Variants in EDIL3 observed in about 807,000 individuals in gnomAD.
EDIL3 encodes EGF like and discoidin domains 3.
In EDIL3, 37 loss-of-function variants were observed where a neutral mutation model predicts 67.4. The observed-to-expected ratio is 0.55, with a 90% confidence interval of 0.42 to 0.72. EDIL3 has a LOEUF of 0.72. EDIL3 is among the 30% of genes least tolerant of loss of function. EDIL3 has a pLI of 0.00. For synonymous variants in EDIL3, 195 were observed against 196.3 expected, an observed-to-expected ratio of 0.99 and a Z score of 0.05; for missense variants, 527 against 586.3, an observed-to-expected ratio of 0.90 and a Z score of 1.04.
At chr5:84,284,414 T>C (rs775108758) in intron 1 of EDIL3, among the ~76,000 whole-genome samples, 25 of 152,072 alleles carry the variant, frequency 1.6e-4, no homozygotes, top group Non-Finnish European at 3.2e-4. Flanking sequence ...GCACTTGTCC[T>C]ATTTACTGGT....
At chr5:84,353,682 T>G in intron 1 of EDIL3, among the ~76,000 whole-genome samples, 1 of 152,206 alleles carries the variant, frequency 6.6e-6, no homozygotes, top group East Asian at 1.9e-4. Context: ...TACAATAACA[T>G]ATTTTCCACT....
At position 84,064,817 on chromosome 5, in the gene EDIL3, T is replaced by G; in HGVS notation, c.835A>C (p.Thr279Pro). Residue 279 changes from threonine (T) to proline (P), a missense_variant, in exon 8 of 11, where the codon ACT becomes CCT. Around this residue, in one of 2 missense-constraint regions of EDIL3, gnomAD observed 494 missense variants for 522.5 expected, o/e 0.95. Transcript: ENST00000296591. ...GGTGTGAAAGAGTTAGCATATGGAGTGTTGTTATCAATGTTTCCACGAAAC... is the reference window on the plus strand; with the variant it reads ...GGTGTGAAAGAGTTAGCATATGGAGGGTTGTTATCAATGTTTCCACGAAAC... ...MVFRGNIDNN[T>P]PYANSFTPPI... 2 of 1,611,908 alleles carry G rather than the reference T, an allele frequency of 1.2e-6. No homozygotes were observed. Among genetic ancestry groups the G allele is most frequent in the Non-Finnish European group, 1.7e-6 (2 of 1,179,028 alleles).
At chr5:84,331,869 A>G (rs1339496944) in intron 1 of EDIL3, among the ~76,000 whole-genome samples, 2 of 152,232 alleles carry the variant, frequency 1.3e-5, no homozygotes, top group Admixed American at 6.5e-5. Flanking sequence ...GCTTCATGAA[A>G]AAAGAAGTAA....
chr5:84,291,059 A>G (rs1338699540), intron 1 of EDIL3, among the ~76,000 whole-genome samples: 1 of 152,172 alleles, frequency 6.6e-6, no homozygotes, highest in Non-Finnish European at 1.5e-5. Context: ...TAAAATTTCA[A>G]TATGTAGTAC....
At chr5:84,154,706 T>TTC (rs1416164993) in intron 4 of EDIL3, among the ~76,000 whole-genome samples, 1 of 148,200 alleles carries the variant, frequency 6.7e-6, no homozygotes, top group Non-Finnish European at 1.5e-5. Context: ...TTTTTTTTTT[T>TTC]TTTTTTTTTT....
At chr5:84,229,042 C>A (rs1247660100) in intron 3 of EDIL3, among the ~76,000 whole-genome samples, 1 of 152,134 alleles carries the variant, frequency 6.6e-6, no homozygotes, top group African/African-American at 2.4e-5. Flanking sequence ...AACTGCCTAC[C>A]TCTCAGGACT....
At chr5:84,243,474 G>A (rs1348057854) in intron 2 of EDIL3, among the ~76,000 whole-genome samples, 1 of 152,202 alleles carries the variant, frequency 6.6e-6, no homozygotes, top group African/African-American at 2.4e-5. Flanking sequence ...TCTTGAAAAT[G>A]TTTGTAGCTC....
chr5:84,349,204 G>C (rs1425133056), intron 1 of EDIL3, among the ~76,000 whole-genome samples: 1 of 152,124 alleles, frequency 6.6e-6, no homozygotes, highest in East Asian at 1.9e-4. Context: ...GCTTCTTGAG[G>C]CAACAGTGCA....
At chr5:84,188,509 T>C (rs532363097) in intron 3 of EDIL3, among the ~76,000 whole-genome samples, 1 of 152,138 alleles carries the variant, frequency 6.6e-6, no homozygotes, top group African/African-American at 2.4e-5. Context: ...TCTTCATCTT[T>C]AGATCCTTAA....
chr5:84,300,004 C>T, intron 1 of EDIL3, among the ~76,000 whole-genome samples: 1 of 152,206 alleles, frequency 6.6e-6, no homozygotes, highest in East Asian at 1.9e-4. Context: ...TATTAGTTTT[C>T]TAATGCTGTC....
At chr5:84,201,048 TA>T (rs1468019879) in intron 3 of EDIL3, among the ~76,000 whole-genome samples, 1 of 152,106 alleles carries the variant, frequency 6.6e-6, no homozygotes, top group Non-Finnish European at 1.5e-5. Flanking sequence ...TTTTTAAAAT[TA>T]ATGATACAAT....
intron 1 of EDIL3, among the ~76,000 whole-genome samples, chr5:84,380,895 GA>G (rs974179835): frequency 7.3e-5 from 11 of 151,236 alleles, no homozygotes; most frequent in African/African-American, 2.4e-4. Flanking sequence ...TTTATTAGAA[GA>G]AAAAAATCAC....
intron 3 of EDIL3, among the ~76,000 whole-genome samples, chr5:84,182,118 T>G (rs62362975): frequency 0.026 from 3,925 of 152,064 alleles, 75 homozygotes; most frequent in Non-Finnish European, 0.038. Context: ...TCCTCCTGCA[T>G]GGGTCAAAGC....
chr5:84,066,055 T>C (rs1247195754), intron 7 of EDIL3, among the ~76,000 whole-genome samples: 1 of 146,838 alleles, frequency 6.8e-6, no homozygotes, highest in Non-Finnish European at 1.5e-5. Flanking sequence ...GCAGAGTTTA[T>C]AGTGAGCCGA....
intron 1 of EDIL3, among the ~76,000 whole-genome samples, chr5:84,324,237 T>C (rs1053828802): frequency 1.3e-5 from 2 of 151,752 alleles, no homozygotes; most frequent in Non-Finnish European, 2.9e-5. Flanking sequence ...CACAATGGAA[T>C]GAAGTTAAAA....
chr5:83,986,659 A>C (rs1745062077), intron 9 of EDIL3, among the ~76,000 whole-genome samples: 1 of 152,066 alleles, frequency 6.6e-6, no homozygotes, highest in Admixed American at 6.6e-5. Flanking sequence ...TTGTGTATAT[A>C]TATATTGTAG....
intron 1 of EDIL3, among the ~76,000 whole-genome samples, chr5:84,318,444 G>A (rs900350415): frequency 1.3e-5 from 2 of 152,170 alleles, no homozygotes; most frequent in Admixed American, 1.3e-4. Flanking sequence ...GCAAGGTACT[G>A]GTACCAAAAC....
At chr5:84,070,606 AGTGTGTGTGTGT>A (rs35930293) in intron 6 of EDIL3, among the ~76,000 whole-genome samples, 111 of 144,734 alleles carry the variant, frequency 7.7e-4, no homozygotes, top group Middle Eastern at 7.2e-3. Flanking sequence ...TATGGTTAAG[AGTGTGTGTGTGT>A]GTGTGTGTGT....
chr5:84,121,311 A>T (rs1347599619), intron 5 of EDIL3, among the ~76,000 whole-genome samples: 1 of 152,028 alleles, frequency 6.6e-6, no homozygotes, highest in Non-Finnish European at 1.5e-5. Context: ...GAAGTTGTGA[A>T]TAAATGGTAT....
Sources: gnomAD v4.1 joint callset for allele counts (sites outside exome capture counted in the v4.1 genomes callset) on GRCh38, gnomAD v4.1.1 for gene constraint, gnomAD v4.1.1 regional missense constraint, MANE v1.5 for transcripts, NCBI Gene and HGNC (gene_info 2026-07-23, HGNC 2026-07-21) for gene names.